The following LRPPRC variants were observed in gnomAD, a reference collection of about 807,000 sequenced individuals.
The protein encoded by LRPPRC is leucine rich pentatricopeptide repeat containing.
LRPPRC carries 120 observed loss-of-function variants against 180.3 expected under a neutral mutation model. The observed-to-expected ratio is 0.67, with a 90% CI of 0.57 to 0.77. LRPPRC has a LOEUF of 0.77. Among genes scored for constraint, LRPPRC ranks in the 30% least tolerant of loss-of-function variants. The pLI, the probability that LRPPRC is intolerant of heterozygous loss-of-function variation, is 0.00. For synonymous variants in LRPPRC, 723 were observed against 600.0 expected (o/e 1.21, Z -3.00); for missense variants, 2,012 against 1,657.2 (o/e 1.21, Z -3.72).
intron 13 of LRPPRC, among the ~76,000 whole-genome samples, chr2:43,958,823 A>T (rs1182733268): frequency 1.3e-5 from 2 of 152,210 alleles, no homozygotes; most frequent in Non-Finnish European, 2.9e-5. Flanking sequence ...CAATCATAGA[A>T]CGAACCGCTC....
intron 27 of LRPPRC, among the ~76,000 whole-genome samples, chr2:43,919,462 T>C (rs1671618604): frequency 6.6e-6 from 1 of 152,238 alleles, no homozygotes; most frequent in Non-Finnish European, 1.5e-5. Flanking sequence ...GAAGAGTTTC[T>C]ATGACCCTGT....
At chr2:43,899,159 T>G in intron 34 of LRPPRC, 60 bp downstream of exon 34, 1 of 1,151,318 alleles carries the variant, frequency 8.7e-7, no homozygotes, top group South Asian at 1.2e-5. Context: ...GTCTAGTAAT[T>G]TCTCAATTTA....
intron 1 of LRPPRC, among the ~76,000 whole-genome samples, chr2:43,994,530 T>C (rs1253369326): frequency 1.3e-5 from 2 of 152,212 alleles, no homozygotes; most frequent in Non-Finnish European, 2.9e-5. Context: ...CCTGGAGATG[T>C]TAAGTAACTT....
Position 43,974,606 on chromosome 2 carries a change from A to T in LRPPRC, c.1009+8T>A, listed in dbSNP as rs545131658. On this transcript the variant is annotated splice_region_variant and intron_variant, in intron 8 of 37. Transcript: ENST00000260665. ...AAAAATCATGTAAATAGATTTTTTTAAAACTACCTGGAATATATCTTCTTT... is the reference window on the plus strand; with the variant it reads ...AAAAATCATGTAAATAGATTTTTTTTAAACTACCTGGAATATATCTTCTTT... 5.2e-6 allele frequency: 8 copies of T among 1,542,708 alleles called. No homozygotes were observed. Among genetic ancestry groups the T allele is most frequent in the South Asian group, 2.3e-5 (2 of 88,208 alleles).
chr2:43,993,469 T>C lies in LRPPRC; in HGVS notation c.149+2330A>G, dbSNP rs1433091141. On this transcript the variant is annotated intron_variant, in intron 1 of 37. Transcript: ENST00000260665. ...TGACTGCAGTGGATAGGAAAGTGAA[T>C]GAAAAGTGATGAAATTAAAGGGACA... Among the ~76,000 whole-genome samples, 5 of 151,972 alleles carry C rather than the reference T, an allele frequency of 3.3e-5. No individual in the cohort carries two copies. The South Asian group carries it at 1.0e-3, about 32-fold the overall frequency.
chr2:43,926,217 A>G (rs1387542475), intron 25 of LRPPRC, among the ~76,000 whole-genome samples: 1 of 152,198 alleles, frequency 6.6e-6, no homozygotes, highest in African/African-American at 2.4e-5. Flanking sequence ...AACTATGCTT[A>G]ACCTCTGCCT....
At position 43,977,007 on chromosome 2, in the gene LRPPRC, T is replaced by C. The variant is rs1674086823; in HGVS notation, c.637A>G (p.Ile213Val). The C allele has an allele frequency of 1.2e-6, 2 of 1,613,288 alleles. No individual in the cohort carries two copies. Among genetic ancestry groups the C allele is most frequent in the Non-Finnish European group, 1.7e-6 (2 of 1,179,396 alleles). The change falls in exon 5 of 38, where the codon ATT becomes GTT. Residue 213 changes from isoleucine to valine, a missense_variant. By Grantham distance (29) the Ile-to-Val change is conservative. Coordinates refer to ENST00000260665, the MANE Select transcript of LRPPRC (RefSeq NM_133259.4). The stretch of plus-strand genomic sequence containing the variant: ...ACAGATCCATACCTGGCACCTTCAA[T>C]ATCTCCTACATTACAATAAGAAGCA... ...LIASYCNVGDIEGASKILGFM... is the reference protein window; with the variant it reads ...LIASYCNVGDVEGASKILGFM...
Position 43,957,334 on chromosome 2 carries a change from G to C in LRPPRC, c.1649+51C>G, listed in dbSNP as rs1458618252. On this transcript the variant is annotated intron_variant, in intron 14 of 37. Coordinates refer to ENST00000260665, the MANE Select transcript of LRPPRC (RefSeq NM_133259.4). ...CCTCATGCAATAAGTCAAAAGGACA[G>C]GAGAAATCAGTCCATGTTCAGGCAA... 3 of 1,224,720 alleles carry C rather than the reference G, an allele frequency of 2.4e-6. No homozygotes were observed. In the African/African-American group the frequency reaches 4.4e-5, roughly 18 times the overall value. The allele number at this position is 1,224,720 out of a possible 1,614,324, so 75.9% of individuals were successfully genotyped here.
chr2:43,978,908 T>G (rs535634980), intron 3 of LRPPRC, among the ~76,000 whole-genome samples: 1 of 152,248 alleles, frequency 6.6e-6, no homozygotes, highest in African/African-American at 2.4e-5. Flanking sequence ...CTAATTACTG[T>G]GAGCTGATTT....
At chr2:43,947,566 A>C (rs954033845) in intron 19 of LRPPRC, among the ~76,000 whole-genome samples, 165 bp downstream of exon 19, 5 of 152,044 alleles carry the variant, frequency 3.3e-5, no homozygotes, top group African/African-American at 9.7e-5. Context: ...CAAATTTCTT[A>C]GATATGTTGA....
intron 27 of LRPPRC, among the ~76,000 whole-genome samples, chr2:43,920,762 G>C (rs1456200044): frequency 6.6e-6 from 1 of 151,798 alleles, no homozygotes; most frequent in Non-Finnish European, 1.5e-5. Context: ...AAAGGTCCTT[G>C]TGGACTGTGG....
intron 36 of LRPPRC, among the ~76,000 whole-genome samples, chr2:43,891,533 G>A (rs1010117362): frequency 6.6e-6 from 1 of 152,124 alleles, no homozygotes; most frequent in Admixed American, 6.6e-5. Context: ...TGTGACCAGT[G>A]ATCTTTGATG....
At position 43,943,819 on chromosome 2, in the gene LRPPRC, T is replaced by C; in HGVS notation, c.2372A>G (p.His791Arg). ...TCTTAAAGCTGCGCCATTTAGCATG[T>C]GGAAAAAGGACAAGGCTGTTGTATC... ...IKDTTALSFF[H>R]MLNGAALRGE... The change falls in exon 23 of 38, where the codon CAC becomes CGC. Residue 791 changes from histidine to arginine, a missense_variant. Transcript: ENST00000260665. 6.2e-7 allele frequency: 1 copy of C among 1,613,494 alleles called. No individual in the cohort carries two copies. The highest frequency in any genetic ancestry group is 2.2e-5 in the East Asian group (1 of 44,852).
chr2:43,950,175 T>G (rs1359314670), intron 15 of LRPPRC, among the ~76,000 whole-genome samples: 1 of 152,206 alleles, frequency 6.6e-6, no homozygotes, highest in Non-Finnish European at 1.5e-5. Flanking sequence ...AAAAGGGGTC[T>G]AAAGATTAAA....
intron 1 of LRPPRC, among the ~76,000 whole-genome samples, chr2:43,990,909 GATCTCGGCTCACTGCA>G (rs1674746989): frequency 6.7e-6 from 1 of 150,044 alleles, no homozygotes; most frequent in Non-Finnish European, 1.5e-5. Context: ...GCAATGGCGT[GATCTCGGCTCACTGCA>G]ACCTCCACCT....
intron 36 of LRPPRC, among the ~76,000 whole-genome samples, chr2:43,891,133 A>G (rs988079582): frequency 1.3e-5 from 2 of 152,134 alleles, no homozygotes; most frequent in Non-Finnish European, 2.9e-5. Flanking sequence ...TTCTTGTGTA[A>G]ATCCTTTATT....
intron 19 of LRPPRC, 80 bp from the exon 20 acceptor site, chr2:43,947,450 T>G (rs1672729573): frequency 1.4e-6 from 1 of 740,466 alleles, no homozygotes; most frequent in South Asian, 1.5e-5. Flanking sequence ...CCCTTTAAAC[T>G]GACTTTCCTT....
At chr2:43,981,644 A>G (rs1488808723) in intron 2 of LRPPRC, among the ~76,000 whole-genome samples, 3 of 151,812 alleles carry the variant, frequency 2.0e-5, no homozygotes, top group Non-Finnish European at 2.9e-5. Context: ...TGGGCGACAG[A>G]GCGATACTCC....
At chr2:43,892,827 C>T (rs1159044465) in intron 36 of LRPPRC, 1 of 151,960 alleles carries the variant, frequency 6.6e-6, no homozygotes, top group African/African-American at 2.4e-5. Context: ...AAACATGTTT[C>T]ATAAGGCTAT....
Sources: gnomAD v4.1 joint callset for allele counts (sites outside exome capture counted in the v4.1 genomes callset) on GRCh38, gnomAD v4.1.1 for gene constraint, MANE v1.5 for transcripts, NCBI Gene and HGNC (gene_info 2026-07-23, HGNC 2026-07-21) for gene names.